The following CBLIF variants were observed in gnomAD, a reference collection of about 807,000 sequenced individuals.
CBLIF encodes gastric intrinsic factor (vitamin B synthesis).
A neutral mutation model predicts 44.9 loss-of-function variants in CBLIF; 24 were observed. The ratio of observed to expected loss-of-function variants is 0.53; its 90% CI spans 0.39 to 0.75. The LOEUF (loss-of-function observed/expected upper bound fraction) is 0.75. Among genes scored for constraint, CBLIF ranks in the 30% least tolerant of loss-of-function variants. The pLI, the probability that CBLIF is intolerant of heterozygous loss-of-function variation, is 0.00. For missense variants in CBLIF, 481 were observed against 513.0 expected, an observed-to-expected ratio of 0.94 and a Z score of 0.60; for synonymous variants, 183 against 190.9, an observed-to-expected ratio of 0.96 and a Z score of 0.34.
At chr11:59,830,061 A>AGAT (rs1007295457) in intron 8 of CBLIF, among the ~76,000 whole-genome samples, 16 of 152,166 alleles carry the variant, frequency 1.1e-4, no homozygotes, top group African/African-American at 3.6e-4. Context: ...CAGGAAAGAT[A>AGAT]GATGATGGCA....
intron 5 of CBLIF, among the ~76,000 whole-genome samples, chr11:59,838,271 G>T (rs1042442117): frequency 1.3e-5 from 2 of 152,022 alleles, no homozygotes; most frequent in African/African-American, 2.4e-5. Context: ...GTTATCTATC[G>T]CATGAATAAA....
Position 59,841,165 on chromosome 11 carries a change from T to C in CBLIF, c.671A>G (p.Tyr224Cys). 2 of 1,613,686 alleles carry C rather than the reference T, an allele frequency of 1.2e-6. No individual in the cohort carries two copies. ...IKDNGIIGDI[Y>C]STGLAMQALS... Reference sequence around the variant, plus strand: ...TACCTGCATGGCGAGGCCAGTACTGTAGATGTCTCCAATGATGCCATTATC... The same window carrying C: ...TACCTGCATGGCGAGGCCAGTACTGCAGATGTCTCCAATGATGCCATTATC... The change falls in exon 5 of 9, where the codon TAC becomes TGC. Residue 224 changes from tyrosine to cysteine, a missense_variant. Physicochemically the swap from Tyr to Cys is radical, Grantham distance 194. Transcript: ENST00000257248.
intron 2 of CBLIF, 109 bp from the exon 3 acceptor site, chr11:59,843,250 A>T: frequency 1.4e-6 from 1 of 720,732 alleles, no homozygotes; most frequent in Non-Finnish European, 2.6e-6. Flanking sequence ...TGACTTTTTA[A>T]TAATATGAGC....
At position 59,835,855 on chromosome 11, in the gene CBLIF, C is replaced by T. The variant is rs1708789149; in HGVS notation, c.1026G>A (p.Val342=). Reference sequence around the variant, plus strand: ...GTGCTTCCTCTAGGACAACAAGTAACACTGACCCACTTTTCACACTAACAT... The same window carrying T: ...GTGCTTCCTCTAGGACAACAAGTAATACTGACCCACTTTTCACACTAACAT... ...TINVSVKSGS[V]LLVVLEEAQR... The change falls in exon 7 of 9, where the codon GTG becomes GTA. Residue 342 remains valine (V), a synonymous_variant. Transcript: ENST00000257248. 1.2e-6 allele frequency: 2 copies of T among 1,614,028 alleles called. No homozygotes were observed. Among genetic ancestry groups the T allele is most frequent in the South Asian group, 1.1e-5 (1 of 91,092 alleles).
intron 7 of CBLIF, among the ~76,000 whole-genome samples, chr11:59,834,311 T>TCTTCCTTC (rs1214089354): frequency 0.12 from 4,320 of 35,438 alleles, 728 homozygotes; most frequent in Admixed American, 0.14. Context: ...TTTCTTTCTT[T>TCTTCCTTC]CTTCCTTCCT....
At chr11:59,834,837 T>C (rs1393814399) in intron 7 of CBLIF, among the ~76,000 whole-genome samples, 1 of 152,212 alleles carries the variant, frequency 6.6e-6, no homozygotes, top group Non-Finnish European at 1.5e-5. Flanking sequence ...TTGACCTCTA[T>C]GTCCCATCAC....
chr11:59,834,240 T>TTTTCTTTCTTTC (rs57364350), intron 7 of CBLIF, among the ~76,000 whole-genome samples: 10 of 115,236 alleles, frequency 8.7e-5, no homozygotes, highest in African/African-American at 2.4e-4. Context: ...CTTTCTTTCT[T>TTTTCTTTCTTTC]TTTCTTTCTT....
At chr11:59,845,347 G>C in intron 1 of CBLIF, 28 bp downstream of exon 1, 2 of 1,608,192 alleles carry the variant, frequency 1.2e-6, no homozygotes, top group Non-Finnish European at 1.7e-6. Flanking sequence ...CTGCTTCCCT[G>C]ACCTCCTTGG....
intron 7 of CBLIF, among the ~76,000 whole-genome samples, chr11:59,834,395 GT>G (rs367748738): frequency 0.011 from 585 of 52,096 alleles, 12 homozygotes; most frequent in African/African-American, 0.036. Context: ...CCTTTTTTTT[GT>G]TTTTTTTTTT....
At chr11:59,836,584 CA>C (rs1380572545) in intron 6 of CBLIF, among the ~76,000 whole-genome samples, 25 of 152,274 alleles carry the variant, frequency 1.6e-4, no homozygotes, top group African/African-American at 5.8e-4. Context: ...CACTCCATCT[CA>C]TTGATATATT....
intron 5 of CBLIF, among the ~76,000 whole-genome samples, chr11:59,840,799 T>C (rs1866515556): frequency 6.6e-6 from 1 of 152,184 alleles, no homozygotes; most frequent in Non-Finnish European, 1.5e-5. Flanking sequence ...ATTCTTATTA[T>C]TTATACATCA....
chr11:59,839,172 G>A (rs1175544877), intron 5 of CBLIF, among the ~76,000 whole-genome samples: 4 of 152,122 alleles, frequency 2.6e-5, no homozygotes, highest in African/African-American at 9.7e-5. Context: ...TTCAAGATAA[G>A]CGCCTATCAG....
At chr11:59,839,909 C>T (rs1406255990) in intron 5 of CBLIF, among the ~76,000 whole-genome samples, 2 of 152,054 alleles carry the variant, frequency 1.3e-5, no homozygotes, top group Admixed American at 1.3e-4. Context: ...AAAAAAATCC[C>T]CAAACCATCT....
chr11:59,842,751 A>T, intron 3 of CBLIF, 168 bp from the exon 4 acceptor site: 1 of 690,364 alleles, frequency 1.4e-6, no homozygotes, highest in Non-Finnish European at 2.6e-6. Flanking sequence ...AAAGAATGTC[A>T]TCAGGCATCT....
intron 5 of CBLIF, among the ~76,000 whole-genome samples, chr11:59,838,559 G>T (rs1053911720): frequency 6.6e-6 from 1 of 152,198 alleles, no homozygotes; most frequent in African/African-American, 2.4e-5. Context: ...CTGGGCAGTT[G>T]TGACAGGGAC....
At chr11:59,837,388 T>G in intron 5 of CBLIF, 37 bp from the exon 6 acceptor site, 2 of 1,494,668 alleles carry the variant, frequency 1.3e-6, no homozygotes, top group Non-Finnish European at 9.3e-7. Flanking sequence ...AAAGAGTAAT[T>G]AGGCATAGCT....
At chr11:59,837,054 G>A (rs914167597) in intron 6 of CBLIF, 120 bp downstream of exon 6, 12 of 809,592 alleles carry the variant, frequency 1.5e-5, no homozygotes, top group Admixed American at 1.3e-4. Context: ...GGAGTCAGAT[G>A]TACTCTGCCC....
chr11:59,843,218 C>A, intron 2 of CBLIF, 77 bp from the exon 3 acceptor site: 1 of 848,056 alleles, frequency 1.2e-6, no homozygotes, highest in South Asian at 1.4e-5. Context: ...GATGAGTTCT[C>A]TGCTTTTTAT....
At chr11:59,830,456 C>T (rs568916943) in intron 8 of CBLIF, among the ~76,000 whole-genome samples, 29 of 151,980 alleles carry the variant, frequency 1.9e-4, no homozygotes, top group Admixed American at 5.2e-4. Flanking sequence ...CCAGGATGGT[C>T]TTGATCTCCT....
Sources: gnomAD v4.1 joint callset for allele counts (sites outside exome capture counted in the v4.1 genomes callset) on GRCh38, gnomAD v4.1.1 for gene constraint, MANE v1.5 for transcripts, NCBI Gene and HGNC (gene_info 2026-07-23, HGNC 2026-07-21) for gene names.